Variants in LDLRAP1 observed in about 807,000 individuals in gnomAD.
The protein encoded by LDLRAP1 is low density lipoprotein receptor adapter protein 1.
Under a neutral mutation model 37.8 loss-of-function variants are expected in LDLRAP1, and 30 were observed. The observed-to-expected ratio is 0.79, with a 90% CI of 0.59 to 1.08. LDLRAP1 has a LOEUF of 1.08. Among genes scored for constraint, LDLRAP1 ranks in the 50% least tolerant of loss-of-function variants. The pLI is 0.00. For missense variants in LDLRAP1, 375 were observed against 401.6 expected, an observed-to-expected ratio of 0.93 and a Z score of 0.57; for synonymous variants, 156 against 169.8, an observed-to-expected ratio of 0.92 and a Z score of 0.63.
At chr1:25,572,888 A>G (rs113131565), downstream of LDLRAP1, among the ~76,000 whole-genome samples, 60 of 152,316 alleles carry the variant, frequency 3.9e-4, 1 homozygote, top group Middle Eastern at 3.4e-3. Context: ...TCTCATCTGC[A>G]GCTCAGGCTG....
intron 8 of LDLRAP1, 58 bp downstream of exon 8, chr1:25,565,265 G>T: frequency 6.3e-7 from 1 of 1,589,892 alleles, no homozygotes; most frequent in South Asian, 1.1e-5. Flanking sequence ...TGGCCCTGCT[G>T]CCCTTTCTCC....
chr1:25,549,467 T>C (rs2044018309), intron 1 of LDLRAP1, among the ~76,000 whole-genome samples: 1 of 152,098 alleles, frequency 6.6e-6, no homozygotes, highest in Non-Finnish European at 1.5e-5. Flanking sequence ...GACTCCCGGG[T>C]GGTTGGGGGA....
At chr1:25,569,070 T>C (rs929314406), downstream of LDLRAP1, among the ~76,000 whole-genome samples, 4 of 152,018 alleles carry the variant, frequency 2.6e-5, no homozygotes, top group African/African-American at 9.7e-5. Flanking sequence ...ACCCAGCAGC[T>C]GGGTGTGTGT....
chr1:25,579,722 G>A, the LDLRAP1 span, among the ~76,000 whole-genome samples: 3 of 152,146 alleles, frequency 2.0e-5, no homozygotes, highest in African/African-American at 4.8e-5. Flanking sequence ...TCAGACCCTC[G>A]AAGCTCTGCC....
At position 25,562,774 on chromosome 1, in the gene LDLRAP1, C is replaced by G; in HGVS notation, c.532+58C>G. The G allele has an allele frequency of 7.3e-6, 11 of 1,502,082 alleles. No homozygotes were observed. The Middle Eastern group carries it at 1.9e-3, about 256-fold the overall frequency. The allele number at this position is 1,502,082 out of a possible 1,614,324, so 93.0% of individuals were successfully genotyped here. ...GGGAGGTGGGGAGACACATAAAGGC[C>G]CTGGGGTCAGACCTGGACCGACTTC... On this transcript the variant is annotated intron_variant, in intron 5 of 8. Transcript: ENST00000374338.
chr1:25,574,505 A>C, the LDLRAP1 span, among the ~76,000 whole-genome samples: 1 of 152,184 alleles, frequency 6.6e-6, no homozygotes, highest in African/African-American at 2.4e-5. Flanking sequence ...GATTTGTTGA[A>C]GAAAAGGATG....
Position 25,563,953 on chromosome 1 carries a change from T to C in LDLRAP1, c.747+162T>C, listed in dbSNP as rs2044413816. 4.7e-6 allele frequency: 4 copies of C among 855,122 alleles called. No homozygotes were observed. The Admixed American group carries it at 6.2e-5, about 13-fold the overall frequency. The allele number at this position is 855,122 out of a possible 1,614,324, so 53.0% of individuals were successfully genotyped here. A position where few individuals can be genotyped will look rare whatever the true frequency, so the allele number is the denominator to read the frequency against. On this transcript the variant is annotated intron_variant, in intron 7 of 8. Transcript: ENST00000374338. The stretch of plus-strand genomic sequence containing the variant: ...CAGGCGCAGGATAGGGGATGAACAA[T>C]GTCCCTTTTGAACCTGAGGCTGCAT...
At chr1:25,582,652 C>A in the LDLRAP1 span, among the ~76,000 whole-genome samples, 2 of 151,982 alleles carry the variant, frequency 1.3e-5, no homozygotes, top group Non-Finnish European at 1.5e-5. Context: ...CATACACTGA[C>A]ATTGTTGTAC....
chr1:25,553,775 A>G, intron 1 of LDLRAP1, 147 bp from the exon 2 acceptor site: 2 of 884,278 alleles, frequency 2.3e-6, no homozygotes, highest in South Asian at 3.8e-5. Flanking sequence ...AGTCTCAAAA[A>G]AAAAAAAAAA....
chr1:25,559,672 A>G (rs1258158881), intron 4 of LDLRAP1, among the ~76,000 whole-genome samples: 1 of 152,216 alleles, frequency 6.6e-6, no homozygotes, highest in African/African-American at 2.4e-5. Flanking sequence ...AGCATGGTGT[A>G]AATACATCAC....
intron 1 of LDLRAP1, among the ~76,000 whole-genome samples, chr1:25,548,191 T>C (rs965308921): frequency 2.0e-5 from 3 of 152,344 alleles, no homozygotes; most frequent in Non-Finnish European, 4.4e-5. Context: ...AGAATGGTCA[T>C]GGACACGTTA....
intron 1 of LDLRAP1, among the ~76,000 whole-genome samples, chr1:25,547,713 C>T (rs1490021164): frequency 6.6e-6 from 1 of 151,972 alleles, no homozygotes; most frequent in Non-Finnish European, 1.5e-5. Flanking sequence ...CTCCAGCAGG[C>T]AGAGTGGCAG....
Position 25,553,968 on chromosome 1 carries a change from G to C in LDLRAP1, c.135G>C (p.Gly45=), listed in dbSNP as rs766821850. ...ACACGCGGGAGACGCTGCTGGAGGG[G>C]ATGCTGTTCAGCCTCAAGTACCTGG... is the stretch of plus-strand genomic sequence containing the variant. The part of the protein sequence containing the change: ...WTDTRETLLE[G]MLFSLKYLGM... The change falls in exon 2 of 9, where the codon GGG becomes GGC. Residue 45 remains glycine, a synonymous_variant. Transcript: ENST00000374338. 1.2e-6 allele frequency: 2 copies of C among 1,614,076 alleles called. No individual in the cohort carries two copies. The highest frequency in any genetic ancestry group is 2.2e-5 in the East Asian group (1 of 44,876).
rs1344896402 is a variant in LDLRAP1, at chr1:25,552,373, G to A, written c.89-1549G>A. 2.0e-5 allele frequency among the ~76,000 whole-genome samples: 3 copies of A among 152,298 alleles called. No individual in the cohort carries two copies. The East Asian group carries it at 5.8e-4, about 29-fold the overall frequency. On this transcript the variant is annotated intron_variant, in intron 1 of 8. Coordinates refer to ENST00000374338, the MANE Select transcript of LDLRAP1 (RefSeq NM_015627.3). ...TGAGGAAGGCCTCAGGAGGAGGTAG[G>A]GAGGGCCCAGGACATCTCCCAGCCC...
the LDLRAP1 span, among the ~76,000 whole-genome samples, chr1:25,585,075 C>T: frequency 3.9e-5 from 6 of 152,144 alleles, no homozygotes; most frequent in East Asian, 3.9e-4. Flanking sequence ...ATGGGAAGAC[C>T]GGTGGGTGTG....
the LDLRAP1 span, among the ~76,000 whole-genome samples, chr1:25,576,767 C>G: frequency 1.3e-5 from 2 of 152,240 alleles, no homozygotes; most frequent in African/African-American, 4.8e-5. Context: ...TCTCTCCCAC[C>G]CCATCCGGCC....
At chr1:25,562,086 C>T (rs1425288562) in intron 4 of LDLRAP1, among the ~76,000 whole-genome samples, 1 of 152,164 alleles carries the variant, frequency 6.6e-6, no homozygotes, top group Non-Finnish European at 1.5e-5. Context: ...CATCTTGCTC[C>T]TATCAGGAAA....
At position 25,563,071 on chromosome 1, in the gene LDLRAP1, G is replaced by C; in HGVS notation, c.534G>C (p.Glu178Asp). Residue 178 changes from glutamate to aspartate, a missense_variant and splice_region_variant, in exon 6 of 9, where the codon GAG becomes GAC. Coordinates refer to ENST00000374338, the MANE Select transcript of LDLRAP1 (RefSeq NM_015627.3). ...AFEFWQVSKE[E>D]KEKRDKASQE... ...ACATGTTGTGCCTTGGTCCTGCAGAGAAAGAGAAGAGGGACAAAGCCAGCC... is the reference window on the plus strand; with the variant it reads ...ACATGTTGTGCCTTGGTCCTGCAGACAAAGAGAAGAGGGACAAAGCCAGCC... 6.2e-7 allele frequency: 1 copy of C among 1,614,040 alleles called. No individual in the cohort carries two copies. The highest frequency in any genetic ancestry group is 8.5e-7 in the Non-Finnish European group (1 of 1,179,950).
chr1:25,590,101 C>A, the LDLRAP1 span: 48 of 152,360 alleles, frequency 3.2e-4, no homozygotes, highest in African/African-American at 1.1e-3. Flanking sequence ...GACTCCGTCT[C>A]TAAATAAATA....
Sources: allele counts gnomAD v4.1 joint callset (sites outside exome capture counted in the v4.1 genomes callset), GRCh38; gene constraint gnomAD v4.1.1; transcripts MANE v1.5; gene names NCBI Gene and HGNC (gene_info 2026-07-23, HGNC 2026-07-21).